Variants in CCDC7 observed in about 807,000 individuals in gnomAD.
CCDC7 encodes coiled-coil domain containing 7, also known as coiled-coil domain-containing protein 7.
CCDC7 carries 183 observed loss-of-function variants against 196.9 expected under a neutral mutation model. The observed-to-expected ratio is 0.93, with a 90% CI of 0.82 to 1.05. The LOEUF (loss-of-function observed/expected upper bound fraction) is 1.05, where lower values mean the gene tolerates loss of function less well. Ranked by LOEUF, CCDC7 falls within the 50% of genes least tolerant of loss-of-function variation. The probability of loss-of-function intolerance (pLI) is 0.00; values close to 1 mark genes in which losing one functional copy is unlikely to be tolerated. For missense variants in CCDC7, 1,540 were observed against 1,482.2 expected, an observed-to-expected ratio of 1.04 and a Z score of -0.64; for synonymous variants, 525 against 484.6, an observed-to-expected ratio of 1.08 and a Z score of -1.10.
intron 21 of CCDC7, among the ~76,000 whole-genome samples, chr10:32,676,443 TG>T (rs1234058701): frequency 6.7e-6 from 1 of 150,320 alleles, no homozygotes; most frequent in African/African-American, 2.4e-5. Flanking sequence ...ACCTACAAAA[TG>T]GGAGAAAATT....
At chr10:32,643,496 A>G (rs1480632210) in intron 20 of CCDC7, among the ~76,000 whole-genome samples, 2 of 151,964 alleles carry the variant, frequency 1.3e-5, no homozygotes, top group African/African-American at 4.8e-5. Flanking sequence ...CAATGTTTTA[A>G]TTTAAAATTA....
chr10:32,646,008 AT>A (rs1250654161), intron 20 of CCDC7, among the ~76,000 whole-genome samples: 1 of 149,232 alleles, frequency 6.7e-6, no homozygotes, highest in East Asian at 2.0e-4. Context: ...CATCTTTTAT[AT>A]TTTTTAATCT....
intron 32 of CCDC7, among the ~76,000 whole-genome samples, chr10:32,831,994 C>T (rs1054867978): frequency 7.2e-5 from 11 of 152,122 alleles, no homozygotes; most frequent in African/African-American, 2.4e-4. Context: ...GGTTTGTTTA[C>T]ACCAGCATCA....
intron 29 of CCDC7, among the ~76,000 whole-genome samples, chr10:32,802,117 T>A (rs557998878): frequency 6.6e-6 from 1 of 152,174 alleles, no homozygotes. Context: ...AAGATAAGAC[T>A]CTCACTTAGG....
At chr10:32,562,941 C>T (rs887121237) in intron 13 of CCDC7, among the ~76,000 whole-genome samples, 1 of 152,142 alleles carries the variant, frequency 6.6e-6, no homozygotes, top group Non-Finnish European at 1.5e-5. Flanking sequence ...AGCTGATAAG[C>T]AACTTCAGCA....
At chr10:32,469,357 A>G (rs546463940) in intron 5 of CCDC7, among the ~76,000 whole-genome samples, 53 of 152,374 alleles carry the variant, frequency 3.5e-4, no homozygotes, top group African/African-American at 1.1e-3. Context: ...GAATCAGAAT[A>G]TGAATATCCC....
chr10:32,559,038 C>T (rs768745339), intron 13 of CCDC7, among the ~76,000 whole-genome samples: 4 of 152,238 alleles, frequency 2.6e-5, no homozygotes, highest in Non-Finnish European at 4.4e-5. Context: ...CTTGGAGGGT[C>T]GTACGCCCAC....
At chr10:32,575,284 T>C (rs796835919) in intron 16 of CCDC7, among the ~76,000 whole-genome samples, 5 of 152,302 alleles carry the variant, frequency 3.3e-5, no homozygotes, top group African/African-American at 1.2e-4. Context: ...ATGTATGTTA[T>C]AACTAAAAGA....
chr10:32,805,000 C>T lies in CCDC7; in HGVS notation c.3014-15C>T, dbSNP rs1187526750. 1.3e-6 allele frequency: 2 copies of T among 1,535,090 alleles called. No individual in the cohort carries two copies. The highest frequency in any genetic ancestry group is 9.0e-7 in the Non-Finnish European group (1 of 1,110,908). On this transcript the variant is annotated splice_polypyrimidine_tract_variant and intron_variant, in intron 29 of 41. Coordinates refer to ENST00000639629, the Ensembl canonical transcript of CCDC7. ...TTACCTCGCAAAGTATTTTTAAATCCATCTATTTCTATAGAGACTGATATA... is the reference window on the plus strand; with the variant it reads ...TTACCTCGCAAAGTATTTTTAAATCTATCTATTTCTATAGAGACTGATATA...
chr10:32,679,122 T>C (rs947425443), intron 21 of CCDC7, among the ~76,000 whole-genome samples: 2 of 152,212 alleles, frequency 1.3e-5, no homozygotes, highest in Admixed American at 6.5e-5. Flanking sequence ...AAAATAAAAG[T>C]ATTGATAACT....
chr10:32,490,363 A>G (rs549229898), intron 8 of CCDC7, among the ~76,000 whole-genome samples: 1 of 152,120 alleles, frequency 6.6e-6, no homozygotes, highest in East Asian at 1.9e-4. Flanking sequence ...AATGTTTTGT[A>G]ATGGCTTTTT....
At chr10:32,516,344 G>A (rs2047027395) in intron 9 of CCDC7, among the ~76,000 whole-genome samples, 1 of 151,772 alleles carries the variant, frequency 6.6e-6, no homozygotes, top group Admixed American at 6.6e-5. Context: ...CTGGAGTGCA[G>A]TGACATGATC....
intron 29 of CCDC7, among the ~76,000 whole-genome samples, chr10:32,804,238 C>G (rs145170002): frequency 1.3e-5 from 2 of 152,082 alleles, no homozygotes; most frequent in South Asian, 4.1e-4. Flanking sequence ...ATAAATTCCT[C>G]CTTAATAAAT....
intron 21 of CCDC7, among the ~76,000 whole-genome samples, chr10:32,665,801 T>C (rs907917436): frequency 6.6e-6 from 1 of 152,068 alleles, no homozygotes; most frequent in African/African-American, 2.4e-5. Flanking sequence ...GATGGGCATT[T>C]TAACAATATT....
chr10:32,550,404 C>CA (rs1224761320), intron 13 of CCDC7, among the ~76,000 whole-genome samples: 1 of 152,140 alleles, frequency 6.6e-6, no homozygotes, highest in Non-Finnish European at 1.5e-5. Context: ...TTATTTCTTT[C>CA]TCTTGTCTGA....
At chr10:32,770,464 G>C (rs1267424760) in intron 28 of CCDC7, among the ~76,000 whole-genome samples, 1 of 152,000 alleles carries the variant, frequency 6.6e-6, no homozygotes, top group Non-Finnish European at 1.5e-5. Flanking sequence ...TTTATTCTTT[G>C]TGGTCTGAGA....
intron 21 of CCDC7, among the ~76,000 whole-genome samples, chr10:32,669,340 C>T (rs1182792189): frequency 6.6e-6 from 1 of 151,994 alleles, no homozygotes; most frequent in Non-Finnish European, 1.5e-5. Context: ...AGATATTGGC[C>T]TTTGTCTTTT....
At chr10:32,783,909 A>G (rs990623375) in intron 29 of CCDC7, among the ~76,000 whole-genome samples, 2 of 152,228 alleles carry the variant, frequency 1.3e-5, no homozygotes, top group African/African-American at 4.8e-5. Context: ...TAAATATTGT[A>G]TCTTATTGTA....
At chr10:32,768,732 C>A (rs1391918178) in intron 28 of CCDC7, among the ~76,000 whole-genome samples, 1 of 152,084 alleles carries the variant, frequency 6.6e-6, no homozygotes, top group East Asian at 1.9e-4. Context: ...TGAAGAAATG[C>A]TGAACTTTAT....
Sources: allele counts gnomAD v4.1 joint callset (sites outside exome capture counted in the v4.1 genomes callset), GRCh38; gene constraint gnomAD v4.1.1; transcripts MANE v1.5; gene names NCBI Gene and HGNC (gene_info 2026-07-23, HGNC 2026-07-21).